The following FAM53A variants were observed in gnomAD, a reference collection of about 807,000 sequenced individuals.
FAM53A encodes protein FAM53A.
FAM53A carries 28 observed loss-of-function variants against 26.6 expected under a neutral mutation model. That is an observed-to-expected ratio of 1.05 (90% CI 0.78 to 1.45). The LOEUF is 1.45. Ranked by LOEUF, FAM53A falls within the 40% of genes most tolerant of loss-of-function variation. The pLI is 0.00. For missense variants in FAM53A, 650 were observed against 575.8 expected, an observed-to-expected ratio of 1.13 and a Z score of -1.32; for synonymous variants, 290 against 253.1, an observed-to-expected ratio of 1.15 and a Z score of -1.38.
At position 1,654,021 on chromosome 4, in the gene FAM53A, G is replaced by T. The variant is rs563939756; in HGVS notation, c.882+957C>A. 2.6e-5 allele frequency among the ~76,000 whole-genome samples: 4 copies of T among 152,274 alleles called. No homozygotes were observed. In the South Asian group the frequency reaches 6.2e-4, roughly 24 times the overall value. ...GAGGCAGGGCATGGGCAAGCCTGTG[G>T]CCCGGAGGATGGGGCTGGGGATGAG... On this transcript the variant is annotated intron_variant, in intron 4 of 4. Transcript: ENST00000308132.
intron 1 of FAM53A, among the ~76,000 whole-genome samples, chr4:1,682,537 A>G (rs1715521479): frequency 6.6e-6 from 1 of 152,176 alleles, no homozygotes; most frequent in Non-Finnish European, 1.5e-5. Flanking sequence ...CTGGGATTAC[A>G]GGTGTGAGCC....
At chr4:1,622,081 G>C (rs1715063277) in intron 1 of FAM53A, among the ~76,000 whole-genome samples, 2 of 152,186 alleles carry the variant, frequency 1.3e-5, no homozygotes, top group South Asian at 4.2e-4. Context: ...GACACAGCAA[G>C]AGACCCTCCA....
chr4:1,657,915 A>C (rs1022755403), intron 2 of FAM53A, among the ~76,000 whole-genome samples: 5 of 152,102 alleles, frequency 3.3e-5, no homozygotes, highest in Non-Finnish European at 7.3e-5. Flanking sequence ...CTGGAATTAC[A>C]GGCATGAGCC....
intron 2 of FAM53A, among the ~76,000 whole-genome samples, chr4:1,667,799 G>A (rs935160926): frequency 6.6e-6 from 1 of 152,202 alleles, no homozygotes; most frequent in African/African-American, 2.4e-5. Flanking sequence ...AAGCACCCCT[G>A]CTGGCTCTGA....
At chr4:1,601,118 G>A in the FAM53A span, among the ~76,000 whole-genome samples, 2 of 152,128 alleles carry the variant, frequency 1.3e-5, no homozygotes, top group Non-Finnish European at 2.9e-5. Context: ...AGGTGGGGGT[G>A]GGGGTTGGGA....
intron 4 of FAM53A, among the ~76,000 whole-genome samples, chr4:1,642,784 G>A (rs996447723): frequency 5.3e-5 from 8 of 150,904 alleles, no homozygotes; most frequent in African/African-American, 1.5e-4. Flanking sequence ...CCCACCTGCC[G>A]GGTCACCTCC....
the FAM53A span, among the ~76,000 whole-genome samples, chr4:1,586,538 G>A: frequency 2.0e-5 from 3 of 152,080 alleles, no homozygotes; most frequent in Middle Eastern, 6.8e-3. Context: ...CACTTTGGGG[G>A]TCCGAGGCGG....
At chr4:1,593,133 C>A in the FAM53A span, among the ~76,000 whole-genome samples, 3 of 152,182 alleles carry the variant, frequency 2.0e-5, no homozygotes, top group African/African-American at 7.2e-5. Flanking sequence ...GAGCCGGTGG[C>A]GGCCAGAGAG....
At chr4:1,672,638 C>T (rs1402520684) in intron 1 of FAM53A, among the ~76,000 whole-genome samples, 1 of 152,086 alleles carries the variant, frequency 6.6e-6, no homozygotes, top group Non-Finnish European at 1.5e-5. Context: ...GCTCGGCAGC[C>T]ACCAAGGAAA....
At chr4:1,612,551 C>T in the FAM53A span, among the ~76,000 whole-genome samples, 5 of 152,200 alleles carry the variant, frequency 3.3e-5, no homozygotes, top group Non-Finnish European at 5.9e-5. Flanking sequence ...CACGGACCTG[C>T]ACCCACACAT....
chr4:1,648,405 G>C (rs1183553396), intron 4 of FAM53A, among the ~76,000 whole-genome samples: 1 of 152,130 alleles, frequency 6.6e-6, no homozygotes, highest in Non-Finnish European at 1.5e-5. Flanking sequence ...GCCAGTTTTT[G>C]GGTGGGATGA....
the FAM53A span, among the ~76,000 whole-genome samples, chr4:1,574,817 G>C: frequency 6.6e-6 from 1 of 152,244 alleles, no homozygotes; most frequent in Non-Finnish European, 1.5e-5. Context: ...TCTCTGGCAG[G>C]AGGGCCCACG....
intron 1 of FAM53A, among the ~76,000 whole-genome samples, chr4:1,632,943 ACACGTG>A (rs1246228262): frequency 6.6e-6 from 1 of 152,252 alleles, no homozygotes; most frequent in Non-Finnish European, 1.5e-5. Context: ...ACATATGCAC[ACACGTG>A]CACAGACATA....
the FAM53A span, among the ~76,000 whole-genome samples, chr4:1,588,521 G>A: frequency 6.6e-6 from 1 of 152,204 alleles, no homozygotes; most frequent in African/African-American, 2.4e-5. Flanking sequence ...GGCACCTGCT[G>A]TGTCATGAGG....
the FAM53A span, among the ~76,000 whole-genome samples, chr4:1,608,294 C>T: frequency 6.6e-6 from 1 of 152,128 alleles, no homozygotes. Flanking sequence ...CAGGCGGCCC[C>T]TCCTGAACCT....
At chr4:1,684,580 C>G (rs909581128), upstream of FAM53A, among the ~76,000 whole-genome samples, 1 of 151,690 alleles carries the variant, frequency 6.6e-6, no homozygotes, top group South Asian at 2.1e-4. Flanking sequence ...CACTCGGCGG[C>G]GTCCTCCAGG....
At chr4:1,623,709 C>G (rs1372136334) in intron 1 of FAM53A, among the ~76,000 whole-genome samples, 2 of 152,270 alleles carry the variant, frequency 1.3e-5, no homozygotes, top group African/African-American at 2.4e-5. Context: ...CATAACTCAG[C>G]CTGCGGAGGA....
intron 4 of FAM53A, among the ~76,000 whole-genome samples, chr4:1,652,046 C>CAT (rs1439785907): frequency 3.4e-5 from 5 of 148,712 alleles, no homozygotes; most frequent in African/African-American, 1.2e-4. Context: ...ACACACACCA[C>CAT]ACACGCCACA....
At chr4:1,679,386 C>CAAAAA (rs34354638) in intron 1 of FAM53A, among the ~76,000 whole-genome samples, 1 of 61,218 alleles carries the variant, frequency 1.6e-5, no homozygotes, top group Non-Finnish European at 3.0e-5. Context: ...ACCATGTCTC[C>CAAAAA]AAAAAAAAAA....
Sources: gnomAD v4.1 joint callset for allele counts (sites outside exome capture counted in the v4.1 genomes callset) on GRCh38, gnomAD v4.1.1 for gene constraint, MANE v1.5 for transcripts, NCBI Gene and HGNC (gene_info 2026-07-23, HGNC 2026-07-21) for gene names.